Variants in NRDE2 observed in about 807,000 individuals in gnomAD.
The protein encoded by NRDE2 is nuclear exosome regulator NRDE2.
In NRDE2, 76 loss-of-function variants were observed where a neutral mutation model predicts 124.2. The ratio of observed to expected loss-of-function variants is 0.61; its 90% CI spans 0.51 to 0.74. The LOEUF is 0.74. Ranked by LOEUF, NRDE2 falls within the 30% of genes least tolerant of loss-of-function variation. NRDE2 has a pLI of 0.00. For missense variants in NRDE2, 1,314 were observed against 1,417.3 expected, an observed-to-expected ratio of 0.93 and a Z score of 1.17; for synonymous variants, 489 against 528.1, an observed-to-expected ratio of 0.93 and a Z score of 1.01.
chr14:90,294,947 G>C (rs540511162), intron 8 of NRDE2, among the ~76,000 whole-genome samples: 1 of 152,312 alleles, frequency 6.6e-6, no homozygotes, highest in East Asian at 1.9e-4. Context: ...TGAGTTAGGA[G>C]GGGGAAGGGG....
intron 10 of NRDE2, 81 bp from the exon 11 acceptor site, chr14:90,289,226 A>G (rs1307661925): frequency 2.6e-6 from 3 of 1,149,188 alleles, no homozygotes; most frequent in African/African-American, 3.1e-5. Context: ...AAGCACTGAC[A>G]GGAAAAAAGG....
Position 90,268,595 on chromosome 14 carries a change from A to G in NRDE2, c.*9741T>C, listed in dbSNP as rs1278968782. The G allele has an allele frequency of 1.6e-6, 1 of 616,992 alleles. No homozygotes were observed. The highest frequency in any genetic ancestry group is 2.8e-5 in the East Asian group (1 of 35,960). 38.2% of individuals were successfully genotyped at this position (616,992 alleles called of 1,614,324 possible). A position where few individuals can be genotyped will look rare whatever the true frequency, so the allele number is the denominator to read the frequency against. On this transcript the variant is annotated 3_prime_UTR_variant, in exon 14 of 14. Coordinates refer to ENST00000354366, the MANE Select transcript of NRDE2 (RefSeq NM_017970.4). ...AGCTAACAACTGCCCAGTAACTGTGAACGTCTGGAGAGATTGGTCAGTTAT... is the reference window on the plus strand; with the variant it reads ...AGCTAACAACTGCCCAGTAACTGTGGACGTCTGGAGAGATTGGTCAGTTAT...
intron 4 of NRDE2, among the ~76,000 whole-genome samples, chr14:90,310,350 C>T (rs1018172279): frequency 2.6e-5 from 4 of 152,254 alleles, no homozygotes; most frequent in East Asian, 1.9e-4. Context: ...CATGATCTTG[C>T]GCAGTTACTT....
At chr14:90,330,282 C>G (rs1566705615) in intron 1 of NRDE2, among the ~76,000 whole-genome samples, 1 of 150,978 alleles carries the variant, frequency 6.6e-6, no homozygotes, top group Admixed American at 6.6e-5. Flanking sequence ...TCTGTAATAT[C>G]CCACCTTGTA....
chr14:90,302,215 G>T (rs766203749), intron 6 of NRDE2, among the ~76,000 whole-genome samples: 1 of 152,150 alleles, frequency 6.6e-6, no homozygotes, highest in South Asian at 2.1e-4. Flanking sequence ...GGTCAAAAGT[G>T]ATACTCTCTG....
Position 90,288,286 on chromosome 14 carries a change from G to A in NRDE2, c.3089C>T (p.Pro1030Leu). The change falls in exon 11 of 14, where the codon CCC becomes CTC. Residue 1030 changes from proline to leucine, a missense_variant. Physicochemically the swap from Pro to Leu is moderately conservative, Grantham distance 98 (BLOSUM62 -3). Transcript: ENST00000354366. ...FFDTITRSAKPLEPWLFAIEA... is the reference protein window; with the variant it reads ...FFDTITRSAKLLEPWLFAIEA... ...AATTGCAAACAACCAAGGCTCCAAG[G>A]GTTTGGCAGACCTGGTGATTGTGTC... is the stretch of plus-strand genomic sequence containing the variant. 1 of 1,614,110 alleles carries A rather than the reference G, an allele frequency of 6.2e-7. No individual in the cohort carries two copies. Among genetic ancestry groups the A allele is most frequent in the Non-Finnish European group, 8.5e-7 (1 of 1,180,016 alleles).
chr14:90,308,255 G>C (rs901717593), intron 4 of NRDE2, among the ~76,000 whole-genome samples: 1 of 152,136 alleles, frequency 6.6e-6, no homozygotes, highest in East Asian at 1.9e-4. Flanking sequence ...TTAGTCTTAA[G>C]GAATTTTCCA....
At chr14:90,326,280 G>C (rs1040925353) in intron 1 of NRDE2, among the ~76,000 whole-genome samples, 1 of 151,722 alleles carries the variant, frequency 6.6e-6, no homozygotes, top group East Asian at 1.9e-4. Context: ...GGATCATGAG[G>C]TCAGGAGATC....
intron 8 of NRDE2, among the ~76,000 whole-genome samples, chr14:90,294,475 T>C (rs1011314802): frequency 7.2e-5 from 11 of 152,086 alleles, no homozygotes; most frequent in Non-Finnish European, 2.9e-5. Context: ...GACAAATGGA[T>C]GGTATACACA....
At chr14:90,319,521 A>G (rs565326345) in intron 1 of NRDE2, among the ~76,000 whole-genome samples, 2 of 152,204 alleles carry the variant, frequency 1.3e-5, no homozygotes, top group East Asian at 3.9e-4. Context: ...CCTCACCCCT[A>G]GCCAAACACT....
chr14:90,318,239 T>A, intron 1 of NRDE2, 126 bp from the exon 2 acceptor site: 1 of 696,420 alleles, frequency 1.4e-6, no homozygotes, highest in Middle Eastern at 2.9e-4. Flanking sequence ...TTTTGAACAG[T>A]CAGTCCAAAG....
At chr14:90,328,277 GC>G (rs1174092314) in intron 1 of NRDE2, among the ~76,000 whole-genome samples, 1 of 144,080 alleles carries the variant, frequency 6.9e-6, no homozygotes, top group East Asian at 2.0e-4. Flanking sequence ...CTGCACTCCA[GC>G]CTGGGCGACA....
rs1294573535 is a variant in NRDE2, at chr14:90,271,574, C to T, written c.*6762G>A. 2.0e-5 allele frequency: 3 copies of T among 152,102 alleles called. No homozygotes were observed. The highest frequency in any genetic ancestry group is 7.2e-5 in the African/African-American group (3 of 41,408). The allele number at this position is 152,102 out of a possible 1,614,324, so 9.4% of individuals were successfully genotyped here. A position where few individuals can be genotyped will look rare whatever the true frequency, so the allele number is the denominator to read the frequency against. On this transcript the variant is annotated 3_prime_UTR_variant, in exon 14 of 14. Coordinates refer to ENST00000354366, the MANE Select transcript of NRDE2 (RefSeq NM_017970.4). The stretch of plus-strand genomic sequence containing the variant: ...AACCAGAATACATGTTCTTTTATGA[C>T]TATAAGTAAATGAAATAGACATATA...
chr14:90,289,741 C>T (rs529420435), intron 10 of NRDE2, among the ~76,000 whole-genome samples: 1 of 152,246 alleles, frequency 6.6e-6, no homozygotes, highest in South Asian at 2.1e-4. Context: ...GCACACGCCA[C>T]AACGCCCAGC....
intron 2 of NRDE2, 125 bp downstream of exon 2, chr14:90,317,880 C>T: frequency 1.6e-6 from 1 of 635,320 alleles, no homozygotes; most frequent in Non-Finnish European, 2.7e-6. Flanking sequence ...CAAAGATCAC[C>T]TTATTACTTT....
intron 6 of NRDE2, chr14:90,301,705 A>AT (rs1884408389): frequency 2.2e-6 from 1 of 454,044 alleles, no homozygotes; most frequent in Admixed American, 2.5e-5. Context: ...TAGAAAAAGG[A>AT]TGGCGTAGCA....
rs751024048 is a variant in NRDE2, at chr14:90,292,827, T to C, written c.1712A>G (p.Asp571Gly). The C allele has an allele frequency of 5.0e-6, 8 of 1,614,212 alleles. No homozygotes were observed. The highest frequency in any genetic ancestry group is 6.8e-6 in the Non-Finnish European group (8 of 1,180,014). ...EPEEDDQEIK[D>G]KTLPRWQIWL... ...GATCTGCCACCTGGGCAGAGTCTTA[T>C]CTTTTATTTCCTGGTCATCCTCTTC... Residue 571 changes from aspartate to glycine, a missense_variant, in exon 9 of 14, where the codon GAT becomes GGT. Asp to Gly is a moderately conservative substitution (Grantham distance 94, BLOSUM62 -1). Transcript: ENST00000354366.
intron 4 of NRDE2, among the ~76,000 whole-genome samples, chr14:90,306,131 A>C (rs1484573575): frequency 1.3e-5 from 2 of 152,200 alleles, no homozygotes; most frequent in Non-Finnish European, 2.9e-5. Flanking sequence ...AAAATCTTTC[A>C]ACTTTTGCTG....
At position 90,289,028 on chromosome 14, in the gene NRDE2, A is replaced by G; in HGVS notation, c.2347T>C (p.Trp783Arg). The change falls in exon 11 of 14, where the codon TGG (tryptophan) becomes CGG (arginine). Residue 783 changes from tryptophan to arginine, a missense_variant. By Grantham distance (101) the Trp-to-Arg change is moderately radical (BLOSUM62 -3). Coordinates refer to ENST00000354366, the MANE Select transcript of NRDE2 (RefSeq NM_017970.4). ...CACTCCAGATGTGCATACTGCTTCC[A>G]CAGGCAAAAGTTGTTGCAGTTTTCT... ...EPENCNNFCL[W>R]KQYAHLEWLL... 1 of 1,614,154 alleles carries G rather than the reference A, an allele frequency of 6.2e-7. No individual in the cohort carries two copies. Among genetic ancestry groups the G allele is most frequent in the East Asian group, 2.2e-5 (1 of 44,884 alleles).
Sources: allele counts gnomAD v4.1 joint callset (sites outside exome capture counted in the v4.1 genomes callset), GRCh38; gene constraint gnomAD v4.1.1; transcripts MANE v1.5; gene names NCBI Gene and HGNC (gene_info 2026-07-23, HGNC 2026-07-21).